The following PGBD2 variants were observed in gnomAD, a reference collection of about 807,000 sequenced individuals.
PGBD2 encodes the protein piggyBac transposable element-derived protein 2.
In PGBD2, 6 loss-of-function variants were observed where a neutral mutation model predicts 8.1. The ratio of observed to expected loss-of-function variants is 0.74; its 90% CI spans 0.40 to 1.46. The LOEUF (loss-of-function observed/expected upper bound fraction) is 1.46, where lower values mean the gene tolerates loss of function less well. Ranked by LOEUF, PGBD2 falls within the 40% of genes most tolerant of loss-of-function variation. PGBD2 has a pLI of 0.02. For missense variants in PGBD2, 802 were observed against 739.0 expected, an observed-to-expected ratio of 1.09 and a Z score of -0.99; for synonymous variants, 318 against 272.2, an observed-to-expected ratio of 1.17 and a Z score of -1.66.
At chr1:248,923,917 C>T (rs191898420), downstream of PGBD2, among the ~76,000 whole-genome samples, 6 of 152,274 alleles carry the variant, frequency 3.9e-5, no homozygotes, top group Admixed American at 3.3e-4. Context: ...AAGACAGCTC[C>T]TAGTTGGAAA....
chr1:248,879,740 C>T, the PGBD2 span, among the ~76,000 whole-genome samples: 1 of 152,098 alleles, frequency 6.6e-6, no homozygotes, highest in Non-Finnish European at 1.5e-5. Flanking sequence ...TCATAAATAT[C>T]TTAATTCTGT....
chr1:248,901,925 C>A (rs1041243274), upstream of PGBD2, among the ~76,000 whole-genome samples: 1 of 152,128 alleles, frequency 6.6e-6, no homozygotes, highest in Non-Finnish European at 1.5e-5. Context: ...AGAACAAAAA[C>A]AAACAGCCCC....
the PGBD2 span, among the ~76,000 whole-genome samples, chr1:248,875,073 G>A: frequency 5.3e-5 from 8 of 152,004 alleles, no homozygotes; most frequent in Admixed American, 1.3e-4. Context: ...TGAGGTGGGC[G>A]GATCACGAGG....
At chr1:248,873,249 TA>T in the PGBD2 span, among the ~76,000 whole-genome samples, 1 of 152,108 alleles carries the variant, frequency 6.6e-6, no homozygotes, top group African/African-American at 2.4e-5. Context: ...AGGCACTCGT[TA>T]ACTGCTGTGT....
chr1:248,880,619 A>T, the PGBD2 span, among the ~76,000 whole-genome samples: 1 of 152,210 alleles, frequency 6.6e-6, no homozygotes, highest in South Asian at 2.1e-4. Context: ...GTTCTTGTCC[A>T]TATGTGAAGT....
chr1:248,906,933 T>C (rs1160437597), intron 1 of PGBD2, among the ~76,000 whole-genome samples: 5 of 152,066 alleles, frequency 3.3e-5, no homozygotes, highest in South Asian at 2.1e-4. Context: ...TGGCCTGCCC[T>C]TCCACACCTG....
the PGBD2 span, among the ~76,000 whole-genome samples, chr1:248,893,710 T>C: frequency 6.6e-6 from 1 of 152,206 alleles, no homozygotes; most frequent in African/African-American, 2.4e-5. Context: ...GGAGTGCAAA[T>C]ACCTCTTCAA....
chr1:248,913,575 G>A (rs950676267), intron 1 of PGBD2, among the ~76,000 whole-genome samples: 6 of 152,066 alleles, frequency 3.9e-5, no homozygotes, highest in African/African-American at 1.2e-4. Flanking sequence ...GGAAAGCCCC[G>A]CCACCCCACA....
chr1:248,897,595 C>A, the PGBD2 span, among the ~76,000 whole-genome samples: 1 of 152,312 alleles, frequency 6.6e-6, no homozygotes, highest in South Asian at 2.1e-4. Context: ...ACCTGGTGGC[C>A]ACTCCAGTCA....
the PGBD2 span, among the ~76,000 whole-genome samples, chr1:248,892,285 T>TC: frequency 8.2e-6 from 1 of 122,456 alleles, no homozygotes; most frequent in African/African-American, 3.6e-5. Flanking sequence ...CTTCCTTCCT[T>TC]CCTTCCTTCC....
At chr1:248,906,991 CACAGAG>C (rs1248595535) in intron 1 of PGBD2, among the ~76,000 whole-genome samples, 3 of 152,054 alleles carry the variant, frequency 2.0e-5, no homozygotes, top group Non-Finnish European at 4.4e-5. Flanking sequence ...AGAAATAAGA[CACAGAG>C]ACAAAGTATA....
At chr1:248,894,077 C>T in the PGBD2 span, among the ~76,000 whole-genome samples, 1 of 151,998 alleles carries the variant, frequency 6.6e-6, no homozygotes, top group Non-Finnish European at 1.5e-5. Flanking sequence ...GTACTCAGGT[C>T]CTTTGCTCAT....
In PGBD2 at chr1:248,917,977, A is replaced by G. The variant is rs1222426813; in HGVS notation, c.1393A>G (p.Arg465Gly). 6.2e-7 allele frequency: 1 copy of G among 1,614,094 alleles called. No homozygotes were observed. The highest frequency in any genetic ancestry group is 1.7e-5 in the Admixed American group (1 of 59,996). Residue 465 changes from arginine (R) to glycine (G), a missense_variant, in exon 3 of 3, where the codon AGG (arginine) becomes GGG (glycine). Arg to Gly is a moderately radical substitution (Grantham distance 125, BLOSUM62 -2). Coordinates refer to ENST00000329291, the MANE Select transcript of PGBD2 (RefSeq NM_170725.3). The stretch of plus-strand genomic sequence containing the variant: ...TCAGGAGAAGGTGGGTGGCGTTGGT[A>G]GGATGGATCAGAATATTGCCAAGTA... ...LYQEKVGGVGRMDQNIAKYKV... is the reference protein window; with the variant it reads ...LYQEKVGGVGGMDQNIAKYKV...
chr1:248,905,889 G>C (rs1661614466), upstream of PGBD2, among the ~76,000 whole-genome samples: 1 of 152,174 alleles, frequency 6.6e-6, no homozygotes, highest in Admixed American at 6.5e-5. Context: ...GCCTGTAGTG[G>C]GGTCCCAAGA....
At chr1:248,927,318 C>A in the PGBD2 span, among the ~76,000 whole-genome samples, 1 of 151,980 alleles carries the variant, frequency 6.6e-6, no homozygotes, top group East Asian at 1.9e-4. Flanking sequence ...ATCAGCATGG[C>A]CAGAAGGAAA....
At chr1:248,900,449 C>G in the PGBD2 span, among the ~76,000 whole-genome samples, 1 of 152,148 alleles carries the variant, frequency 6.6e-6, no homozygotes, top group Admixed American at 6.5e-5. Flanking sequence ...ATATACAAAT[C>G]AATGTATGTA....
At chr1:248,911,418 G>C (rs1242979145) in intron 1 of PGBD2, among the ~76,000 whole-genome samples, 1 of 150,012 alleles carries the variant, frequency 6.7e-6, no homozygotes, top group African/African-American at 2.5e-5. Context: ...ATGTTTCAGA[G>C]AGCACAGGGT....
chr1:248,922,122 C>A (rs1409293087), downstream of PGBD2, among the ~76,000 whole-genome samples: 1 of 150,720 alleles, frequency 6.6e-6, no homozygotes, highest in Non-Finnish European at 1.5e-5. Flanking sequence ...TGCAGTGGCA[C>A]GATCTCGGCT....
chr1:248,889,153 A>G, the PGBD2 span, among the ~76,000 whole-genome samples: 1 of 152,192 alleles, frequency 6.6e-6, no homozygotes, highest in African/African-American at 2.4e-5. Context: ...TTGAGAGGCC[A>G]AGGTGGGCAG....
Sources: allele counts gnomAD v4.1 joint callset (sites outside exome capture counted in the v4.1 genomes callset), GRCh38; gene constraint gnomAD v4.1.1; transcripts MANE v1.5; gene names NCBI Gene and HGNC (gene_info 2026-07-23, HGNC 2026-07-21).